Variants in DAZAP1 observed in about 807,000 individuals in gnomAD.
DAZAP1 encodes the protein DAZ-associated protein 1.
A neutral mutation model predicts 60.1 loss-of-function variants in DAZAP1; 6 were observed. The ratio of observed to expected loss-of-function variants is 0.10; its 90% CI spans 0.05 to 0.20. The LOEUF (loss-of-function observed/expected upper bound fraction) is 0.20. DAZAP1 is among the 10% of genes least tolerant of loss of function. The pLI, the probability that DAZAP1 is intolerant of heterozygous loss-of-function variation, is 1.00. For missense variants in DAZAP1, 366 were observed against 560.4 expected, an observed-to-expected ratio of 0.65 and a Z score of 3.50; for synonymous variants, 235 against 215.9, an observed-to-expected ratio of 1.09 and a Z score of -0.78.
chr19:1,429,758 G>A (rs1294028733), intron 8 of DAZAP1, among the ~76,000 whole-genome samples: 1 of 152,182 alleles, frequency 6.6e-6, no homozygotes, highest in Non-Finnish European at 1.5e-5. Flanking sequence ...GGGCACAGAG[G>A]AGAGTGGCTT....
chr19:1,424,660 G>A (rs2083261459), intron 6 of DAZAP1, among the ~76,000 whole-genome samples: 2 of 151,658 alleles, frequency 1.3e-5, no homozygotes, highest in Admixed American at 1.3e-4. Context: ...TCTCTGCCGC[G>A]CTCGTTCACG....
intron 1 of DAZAP1, among the ~76,000 whole-genome samples, chr19:1,409,463 C>T (rs548380924): frequency 2.1e-4 from 32 of 152,352 alleles, no homozygotes; most frequent in African/African-American, 7.0e-4. Flanking sequence ...GGGTCCCACC[C>T]ACAGCACAAA....
chr19:1,408,164 C>T (rs1323639591), intron 1 of DAZAP1, among the ~76,000 whole-genome samples: 1 of 150,798 alleles, frequency 6.6e-6, no homozygotes, highest in Admixed American at 6.6e-5. Context: ...CCCGACTGCG[C>T]GTCCTGAGGG....
Position 1,422,378 on chromosome 19 carries a change from G to A in DAZAP1, c.445G>A (p.Glu149Lys). The A allele has an allele frequency of 6.2e-7, 1 of 1,614,068 alleles. No individual in the cohort carries two copies. Among genetic ancestry groups the A allele is most frequent in the Non-Finnish European group, 8.5e-7 (1 of 1,179,986 alleles). Residue 149 changes from glutamate (E) to lysine (K), a missense_variant, in exon 6 of 12, where the codon GAG becomes AAG. Transcript: ENST00000233078. The surrounding 1 kb of genome is among the most constrained non-coding windows in gnomAD (Gnocchi z 4.5). Reference protein sequence around the residue: ...VTEVVMIYDAEKQRPRGFGFI... With the variant: ...VTEVVMIYDAKKQRPRGFGFI... Reference sequence around the variant, plus strand: ...GGAGGTAGTCATGATCTATGACGCCGAGAAGCAGAGGCCCCGAGGTAAGGG... The same window carrying A: ...GGAGGTAGTCATGATCTATGACGCCAAGAAGCAGAGGCCCCGAGGTAAGGG...
chr19:1,413,065 G>A (rs1020230367), intron 1 of DAZAP1, among the ~76,000 whole-genome samples: 1 of 152,216 alleles, frequency 6.6e-6, no homozygotes, highest in African/African-American at 2.4e-5. Context: ...CAGGGTGCAG[G>A]AGCCACATTG....
intron 1 of DAZAP1, chr19:1,417,138 A>G: frequency 3.3e-6 from 1 of 301,930 alleles, no homozygotes. Flanking sequence ...CTGATTATAA[A>G]ATACTCGCAA....
chr19:1,427,491 G>A (rs989858537), intron 7 of DAZAP1: 9 of 152,272 alleles, frequency 5.9e-5, no homozygotes, highest in African/African-American at 1.9e-4. Context: ...GGGGTTTTCC[G>A]TTTGTGGAGT....
rs530364277 is a variant in DAZAP1 at position 1,430,466 on chromosome 19, A to G, written c.871+104A>G. ...TTGTGTTACACGTCTGGCCTCAGCCACAGGTGGGGTGCCGGCTGGTCAGCA... is the reference window on the plus strand; with the variant it reads ...TTGTGTTACACGTCTGGCCTCAGCCGCAGGTGGGGTGCCGGCTGGTCAGCA... On this transcript the variant is annotated intron_variant, in intron 10 of 11. Coordinates refer to ENST00000233078, the MANE Select transcript of DAZAP1 (RefSeq NM_018959.4). 6.2e-6 allele frequency: 7 copies of G among 1,122,154 alleles called. No homozygotes were observed. In the East Asian group the frequency reaches 9.1e-5, roughly 15 times the overall value. 69.5% of individuals were successfully genotyped at this position (1,122,154 alleles called of 1,614,324 possible). A position where few individuals can be genotyped will look rare whatever the true frequency, so the allele number is the denominator to read the frequency against.
In DAZAP1 at chr19:1,434,047, A is replaced by G. The variant is rs992231017; in HGVS notation, c.1049-690A>G. The G allele has an allele frequency of 3.5e-6, 2 of 577,264 alleles. No homozygotes were observed. Among genetic ancestry groups the G allele is most frequent in the Non-Finnish European group, 6.2e-6 (2 of 323,366 alleles). The allele number at this position is 577,264 out of a possible 1,614,324, so 35.8% of individuals were successfully genotyped here. A position where few individuals can be genotyped will look rare whatever the true frequency, so the allele number is the denominator to read the frequency against. ...CCCACGTGCACCCGAATGGGAACCCAGAGGTCGTGGGAGGGGCTTCCTGCA... is the reference window on the plus strand; with the variant it reads ...CCCACGTGCACCCGAATGGGAACCCGGAGGTCGTGGGAGGGGCTTCCTGCA... On this transcript the variant is annotated intron_variant, in intron 11 of 11. Coordinates refer to ENST00000233078, the MANE Select transcript of DAZAP1 (RefSeq NM_018959.4). The surrounding 1 kb of genome is among the most constrained non-coding windows in gnomAD (Gnocchi z 8.0).
At chr19:1,410,826 G>A (rs1379901114) in intron 1 of DAZAP1, among the ~76,000 whole-genome samples, 4 of 152,224 alleles carry the variant, frequency 2.6e-5, no homozygotes, top group Non-Finnish European at 5.9e-5. Flanking sequence ...TGGTACACTG[G>A]GGAATGGTAA....
intron 2 of DAZAP1, 115 bp downstream of exon 2, chr19:1,417,655 C>A: frequency 2.0e-6 from 2 of 1,002,972 alleles, no homozygotes; most frequent in Non-Finnish European, 3.0e-6. Context: ...GTCCTTTTGA[C>A]GTTGTTCTGA....
chr19:1,434,378 C>G lies in DAZAP1; in HGVS notation c.1049-359C>G, dbSNP rs569943771. The G allele has an allele frequency of 1.7e-5, 4 of 238,788 alleles. No individual in the cohort carries two copies. Among genetic ancestry groups the G allele is most frequent in the African/African-American group, 9.1e-5 (4 of 43,762 alleles). The allele number at this position is 238,788 out of a possible 1,614,324, so 14.8% of individuals were successfully genotyped here. ...CTCCGAGAGCCAGCTTTCTAGAAGC[C>G]TGGTCCACCGTGCCTTGGGCCATGT... On this transcript the variant is annotated intron_variant, in intron 11 of 11. Coordinates refer to ENST00000233078, the MANE Select transcript of DAZAP1 (RefSeq NM_018959.4). The surrounding 1 kb of genome is among the most constrained non-coding windows in gnomAD (Gnocchi z 8.0).
rs1002586471 is a variant in DAZAP1 at position 1,428,495 on chromosome 19, C to G, written c.547-347C>G. ...TGGTCCCTTTTTGTCCCCATGTTTT[C>G]AAGAGGAAGGAGGACGCTGCCATTT... On this transcript the variant is annotated intron_variant, in intron 7 of 11. Transcript: ENST00000233078. The surrounding 1 kb of genome is among the most constrained non-coding windows in gnomAD (Gnocchi z 4.0). 12 of 216,052 alleles carry G rather than the reference C, an allele frequency of 5.6e-5. No homozygotes were observed. The highest frequency in any genetic ancestry group is 5.2e-4 in the East Asian group (4 of 7,638). 13.4% of individuals were successfully genotyped at this position (216,052 alleles called of 1,614,324 possible).
rs2083467957 is a variant in DAZAP1 at position 1,432,131 on chromosome 19, C to T, written c.872-383C>T. Reference sequence around the variant, plus strand: ...CCAAGCACGTCAGGATGCTCCCTTGCCTGTGCTGGCAGCTTCCTAAACATG... The same window carrying T: ...CCAAGCACGTCAGGATGCTCCCTTGTCTGTGCTGGCAGCTTCCTAAACATG... On this transcript the variant is annotated intron_variant, in intron 10 of 11. Coordinates refer to ENST00000233078, the MANE Select transcript of DAZAP1 (RefSeq NM_018959.4). This position sits in a 1 kb window ranked among gnomAD's most constrained non-coding sequence, Gnocchi z 4.9. 1 of 259,796 alleles carries T rather than the reference C, an allele frequency of 3.8e-6. No homozygotes were observed. The highest frequency in any genetic ancestry group is 5.1e-5 in the Admixed American group (1 of 19,556). The allele number at this position is 259,796 out of a possible 1,614,324, so 16.1% of individuals were successfully genotyped here.
At position 1,432,885 on chromosome 19, in the gene DAZAP1, A is replaced by G; in HGVS notation, c.1048+195A>G. ...CGGGTCCAGCAGAAGGGAGCGTGGG[A>G]GTCTTGTCGCAGCAGAGCACTCGTC... On this transcript the variant is annotated intron_variant, in intron 11 of 11. Coordinates refer to ENST00000233078, the MANE Select transcript of DAZAP1 (RefSeq NM_018959.4). The surrounding 1 kb of genome is among the most constrained non-coding windows in gnomAD (Gnocchi z 4.9). 3 of 609,376 alleles carry G rather than the reference A, an allele frequency of 4.9e-6. No individual in the cohort carries two copies. 37.7% of individuals were successfully genotyped at this position (609,376 alleles called of 1,614,324 possible). A position where few individuals can be genotyped will look rare whatever the true frequency, so the allele number is the denominator to read the frequency against.
intron 1 of DAZAP1, among the ~76,000 whole-genome samples, chr19:1,408,049 G>T (rs546230867): frequency 3.6e-4 from 54 of 151,976 alleles, no homozygotes; most frequent in African/African-American, 1.3e-3. Flanking sequence ...CTGAAGGAGA[G>T]CCTGAGGGGT....
chr19:1,432,788 C>T lies in DAZAP1; in HGVS notation c.1048+98C>T. 1 of 1,378,498 alleles carries T rather than the reference C, an allele frequency of 7.3e-7. No homozygotes were observed. Among genetic ancestry groups the T allele is most frequent in the Non-Finnish European group, 9.9e-7 (1 of 1,012,306 alleles). 85.4% of individuals were successfully genotyped at this position (1,378,498 alleles called of 1,614,324 possible). A position where few individuals can be genotyped will look rare whatever the true frequency, so the allele number is the denominator to read the frequency against. On this transcript the variant is annotated intron_variant, in intron 11 of 11. Transcript: ENST00000233078. This position sits in a 1 kb window ranked among gnomAD's most constrained non-coding sequence, Gnocchi z 4.9. The stretch of plus-strand genomic sequence containing the variant: ...CCTCCCCTGCTGGACGCTCCCCAGC[C>T]TTTACCTGGTGGGAAAGGGGAGAGG...
intron 1 of DAZAP1, among the ~76,000 whole-genome samples, chr19:1,415,535 C>G (rs550534682): frequency 1.3e-5 from 2 of 151,666 alleles, no homozygotes; most frequent in South Asian, 4.2e-4. Flanking sequence ...TGCTGGGTGC[C>G]GGGCCCTGCT....
chr19:1,422,563 T>G lies in DAZAP1; in HGVS notation c.463+167T>G, dbSNP rs2083188492. On this transcript the variant is annotated intron_variant, in intron 6 of 11. Transcript: ENST00000233078. The surrounding 1 kb of genome is among the most constrained non-coding windows in gnomAD (Gnocchi z 4.5). ...CGTGGGCTCCTCATGTGCACCCCAT[T>G]CAGCCTGTCTGTGCTTCCCGAGGTC... Among the ~76,000 whole-genome samples the G allele has an allele frequency of 6.6e-6, 1 of 152,234 alleles. No individual in the cohort carries two copies. The highest frequency in any genetic ancestry group is 2.1e-4 in the South Asian group (1 of 4,832).
Sources: allele counts gnomAD v4.1 joint callset (sites outside exome capture counted in the v4.1 genomes callset), GRCh38; gene constraint gnomAD v4.1.1; non-coding constraint Gnocchi (gnomAD v3.1); transcripts MANE v1.5; gene names NCBI Gene and HGNC (gene_info 2026-07-23, HGNC 2026-07-21).